The following SPATA3 variants were observed in gnomAD, a reference collection of about 807,000 sequenced individuals.
SPATA3 encodes the protein spermatogenesis associated 3.
Under a neutral mutation model 5.7 loss-of-function variants are expected in SPATA3, and 6 were observed. The observed-to-expected ratio is 1.06, with a 90% CI of 0.58 to 2.09. The LOEUF (loss-of-function observed/expected upper bound fraction) is 2.09. Among genes scored for constraint, SPATA3 ranks in the 30% most tolerant of loss-of-function variants. The probability of loss-of-function intolerance (pLI) is 0.00; values close to 1 mark genes in which losing one functional copy is unlikely to be tolerated. For synonymous variants in SPATA3, 44 were observed against 48.4 expected, an observed-to-expected ratio of 0.91 and a Z score of 0.37; for missense variants, 155 against 130.4, an observed-to-expected ratio of 1.19 and a Z score of -0.92.
exon 2 of SPATA3, chr2:231,000,378 G>C (rs373550804): frequency 6.6e-7 from 1 of 1,512,942 alleles, no homozygotes; most frequent in Non-Finnish European, 8.9e-7. Flanking sequence ...CCTCTGATTC[G>C]CGCCGGCCCG....
At chr2:231,000,314 C>A in intron 1 of SPATA3, 52 bp from the exon 2 acceptor site, 1 of 1,394,498 alleles carries the variant, frequency 7.2e-7, no homozygotes, top group South Asian at 1.6e-5. Context: ...CTCCCCCGCC[C>A]CAGCCTCCCA....
intron 6 of SPATA3, among the ~76,000 whole-genome samples, chr2:231,018,913 T>C (rs951274673): frequency 1.3e-5 from 2 of 151,854 alleles, no homozygotes; most frequent in Non-Finnish European, 1.5e-5. Context: ...CTTGAATTCC[T>C]GACCTCAGGT....
At chr2:231,019,616 G>A (rs148529683) in intron 6 of SPATA3, 5,412 of 151,236 alleles carry the variant, frequency 0.036, 291 homozygotes, top group Non-Finnish European at 0.057. Flanking sequence ...GAGCCACCGC[G>A]CCCGGCCCAA....
intron 1 of SPATA3, among the ~76,000 whole-genome samples, chr2:230,996,975 T>G (rs931896474): frequency 1.3e-5 from 2 of 152,188 alleles, no homozygotes; most frequent in African/African-American, 4.8e-5. Context: ...ATAGTCTGGG[T>G]TGATGGAGGA....
chr2:230,996,744 A>G (rs944530138), intron 1 of SPATA3, among the ~76,000 whole-genome samples: 1 of 152,216 alleles, frequency 6.6e-6, no homozygotes, highest in African/African-American at 2.4e-5. Context: ...GTCTCACTGA[A>G]GACAGCCACA....
intron 2 of SPATA3, among the ~76,000 whole-genome samples, chr2:231,001,206 C>T (rs557394645): frequency 1.3e-5 from 2 of 152,272 alleles, no homozygotes; most frequent in African/African-American, 2.4e-5. Context: ...TGGCTGCCAC[C>T]GCCCTCATAG....
intron 2 of SPATA3, 25 bp from the exon 3 acceptor site, chr2:231,002,659 C>A (rs761900713): frequency 9.9e-6 from 14 of 1,419,768 alleles, no homozygotes; most frequent in Non-Finnish European, 1.2e-5. Context: ...CTTCCCACCA[C>A]CCCCACTTCT....
intron 2 of SPATA3, 57 bp downstream of exon 2, chr2:231,000,594 G>T: frequency 7.1e-7 from 1 of 1,404,588 alleles, no homozygotes. Flanking sequence ...GCCAGGCTCT[G>T]CCCCCAGACC....
At chr2:230,996,956 C>T (rs578071939) in intron 1 of SPATA3, among the ~76,000 whole-genome samples, 2 of 152,298 alleles carry the variant, frequency 1.3e-5, no homozygotes, top group South Asian at 4.1e-4. Flanking sequence ...ACAAACTAGT[C>T]CAAGGAAGAT....
chr2:231,018,724 C>T (rs1692993418), intron 6 of SPATA3, among the ~76,000 whole-genome samples: 1 of 151,672 alleles, frequency 6.6e-6, no homozygotes, highest in African/African-American at 2.4e-5. Context: ...CTTGCTCTGT[C>T]ACCCAGGCTG....
At chr2:231,003,174 A>G (rs1467914815), downstream of SPATA3, among the ~76,000 whole-genome samples, 1 of 152,144 alleles carries the variant, frequency 6.6e-6, no homozygotes, top group Non-Finnish European at 1.5e-5. Context: ...CTACCAGTCC[A>G]TCACCCATAA....
chr2:231,011,380 A>G (rs1966079), downstream of SPATA3, among the ~76,000 whole-genome samples: 66,535 of 151,882 alleles, frequency 0.44, 15,655 homozygotes, highest in African/African-American at 0.59. Context: ...CTCCCAAAGT[A>G]CTGGGAGCCT....
At chr2:231,016,662 G>A (rs1004546770) in intron 6 of SPATA3, among the ~76,000 whole-genome samples, 3 of 150,430 alleles carry the variant, frequency 2.0e-5, no homozygotes, top group Admixed American at 1.3e-4. Context: ...TCCAGCTTGG[G>A]CAACAGATTG....
At chr2:231,004,949 A>C (rs1692484579), downstream of SPATA3, among the ~76,000 whole-genome samples, 1 of 148,328 alleles carries the variant, frequency 6.7e-6, no homozygotes, top group African/African-American at 2.5e-5. Context: ...CACCATCACC[A>C]TTATCACCAT....
downstream of SPATA3, among the ~76,000 whole-genome samples, chr2:231,011,650 G>A (rs189063632): frequency 8.7e-3 from 980 of 112,868 alleles, 7 homozygotes; most frequent in Non-Finnish European, 0.012. Flanking sequence ...AGGCCATCCC[G>A]CAGTCACAGA....
At chr2:231,001,775 C>CGACATG (rs1486373262) in intron 2 of SPATA3, among the ~76,000 whole-genome samples, 1 of 152,114 alleles carries the variant, frequency 6.6e-6, no homozygotes, top group African/African-American at 2.4e-5. Flanking sequence ...TTGTTGCAGT[C>CGACATG]GACATGGAGA....
At chr2:231,014,822 C>G (rs532169165) in intron 6 of SPATA3, among the ~76,000 whole-genome samples, 2 of 152,294 alleles carry the variant, frequency 1.3e-5, no homozygotes, top group Non-Finnish European at 2.9e-5. Flanking sequence ...AAGGTAGCCC[C>G]CTGGGGTAAG....
At chr2:231,010,726 G>T (rs570550713), downstream of SPATA3, among the ~76,000 whole-genome samples, 1 of 151,872 alleles carries the variant, frequency 6.6e-6, no homozygotes, top group Admixed American at 6.6e-5. Flanking sequence ...GCGGAGTCTA[G>T]CATCTTCACC....
downstream of SPATA3, among the ~76,000 whole-genome samples, chr2:231,008,145 A>T (rs1692690027): frequency 6.6e-6 from 1 of 152,186 alleles, no homozygotes; most frequent in African/African-American, 2.4e-5. Context: ...AATGGAGAAC[A>T]CACACCACAC....
Sources: gnomAD v4.1 joint callset for allele counts (sites outside exome capture counted in the v4.1 genomes callset) on GRCh38, gnomAD v4.1.1 for gene constraint, MANE v1.5 for transcripts, NCBI Gene and HGNC (gene_info 2026-07-23, HGNC 2026-07-21) for gene names.